IGF2BP3: variants seen among roughly 807,000 people sequenced by gnomAD.
IGF2BP3 encodes the protein insulin-like growth factor 2 mRNA-binding protein 3.
IGF2BP3 carries 9 observed loss-of-function variants against 73.8 expected under a neutral mutation model. That is an observed-to-expected ratio of 0.12 (90% CI 0.07 to 0.21). The LOEUF is 0.21. IGF2BP3 is among the 10% of genes least tolerant of loss of function. IGF2BP3 has a pLI of 1.00. For synonymous variants in IGF2BP3, 258 were observed against 256.7 expected (o/e 1.01, Z -0.05); for missense variants, 542 against 714.0 (o/e 0.76, Z 2.75).
intron 2 of IGF2BP3, among the ~76,000 whole-genome samples, chr7:23,428,112 G>A (rs1039198332): frequency 2.0e-5 from 3 of 152,102 alleles, no homozygotes; most frequent in African/African-American, 4.8e-5. Flanking sequence ...GGAGGTGGAG[G>A]CTGCAGTGAG....
chr7:23,426,185 G>C (rs1297138325), intron 2 of IGF2BP3, among the ~76,000 whole-genome samples: 3 of 151,914 alleles, frequency 2.0e-5, no homozygotes, highest in Non-Finnish European at 4.4e-5. Context: ...AAATTAGCCA[G>C]GCATGGTGGC....
intron 8 of IGF2BP3, among the ~76,000 whole-genome samples, chr7:23,345,008 C>T (rs1784796523): frequency 6.6e-6 from 1 of 152,166 alleles, no homozygotes; most frequent in African/African-American, 2.4e-5. Context: ...AGTAGTATTA[C>T]TTATTGAATT....
intron 3 of IGF2BP3, among the ~76,000 whole-genome samples, chr7:23,385,841 G>A (rs369700604): frequency 1.6e-4 from 24 of 152,072 alleles, no homozygotes; most frequent in African/African-American, 5.5e-4. Context: ...CAAAGTGCTG[G>A]GATTACAGGC....
chr7:23,355,115 T>G (rs572683445), intron 5 of IGF2BP3, among the ~76,000 whole-genome samples: 2 of 152,330 alleles, frequency 1.3e-5, no homozygotes, highest in South Asian at 4.1e-4. Flanking sequence ...AGACATGAGA[T>G]GAACGACTGT....
intron 10 of IGF2BP3, among the ~76,000 whole-genome samples, chr7:23,334,258 G>A (rs908475669): frequency 6.6e-6 from 1 of 152,136 alleles, no homozygotes; most frequent in Non-Finnish European, 1.5e-5. Context: ...AATCTGGGAG[G>A]TGGAGGTTAC....
In IGF2BP3 at chr7:23,342,098, G is replaced by T; in HGVS notation, c.1169C>A (p.Pro390His). Residue 390 changes from proline (P) to histidine (H), a missense_variant, in exon 10 of 15, where the codon CCT (proline) becomes CAT (histidine). Pro to His is a moderately conservative substitution (Grantham distance 77, BLOSUM62 -2). This residue lies in a region of IGF2BP3 where 303 missense variants were observed against 472.1 expected (regional missense o/e 0.64). Transcript: ENST00000258729. ...CGGGTAGGGAGGAGTCATGGCTGAA[G>T]GGGGCCCTGAGGTGGGAGGTGGCAT... ...SGMPPPTSGP[P>H]SAMTPPYPQF... The T allele has an allele frequency of 6.2e-7, 1 of 1,602,220 alleles. No individual in the cohort carries two copies. The highest frequency in any genetic ancestry group is 8.5e-7 in the Non-Finnish European group (1 of 1,176,442).
chr7:23,319,016 C>T (rs1454108825), intron 11 of IGF2BP3, 122 bp downstream of exon 11: 1 of 686,390 alleles, frequency 1.5e-6, no homozygotes, highest in African/African-American at 1.8e-5. Flanking sequence ...GGGGTTTCTT[C>T]ATATCCTTAT....
chr7:23,417,872 T>C (rs939832165), intron 3 of IGF2BP3, among the ~76,000 whole-genome samples: 1 of 152,210 alleles, frequency 6.6e-6, no homozygotes, highest in African/African-American at 2.4e-5. Context: ...ATTCAGCATA[T>C]ACCAAAAACC....
At chr7:23,354,030 G>A (rs570759242) in intron 5 of IGF2BP3, among the ~76,000 whole-genome samples, 1 of 152,182 alleles carries the variant, frequency 6.6e-6, no homozygotes, top group African/African-American at 2.4e-5. Context: ...TTTCGTTCTT[G>A]TTGCCCAGGC....
chr7:23,459,844 G>A (rs1460605940), intron 2 of IGF2BP3, among the ~76,000 whole-genome samples: 1 of 151,464 alleles, frequency 6.6e-6, no homozygotes, highest in Admixed American at 6.6e-5. Flanking sequence ...AAAAGAAGAA[G>A]AACTGGACTT....
intron 2 of IGF2BP3, among the ~76,000 whole-genome samples, chr7:23,453,376 C>G (rs1282683893): frequency 6.6e-6 from 1 of 151,992 alleles, no homozygotes; most frequent in Non-Finnish European, 1.5e-5. Context: ...CTTTTTTGCT[C>G]GAAAAGTAGA....
intron 8 of IGF2BP3, 108 bp from the exon 9 acceptor site, chr7:23,343,961 T>C: frequency 1.9e-6 from 2 of 1,062,444 alleles, no homozygotes; most frequent in Non-Finnish European, 2.7e-6. Flanking sequence ...CCTGGTAATA[T>C]GTAAAAGTGG....
intron 3 of IGF2BP3, among the ~76,000 whole-genome samples, chr7:23,386,489 G>T (rs1010281681): frequency 6.6e-6 from 1 of 152,162 alleles, no homozygotes; most frequent in African/African-American, 2.4e-5. Flanking sequence ...GGACACAGGA[G>T]CCCCCAACAG....
At chr7:23,316,654 G>A (rs1470536837) in intron 12 of IGF2BP3, among the ~76,000 whole-genome samples, 9 of 129,102 alleles carry the variant, frequency 7.0e-5, no homozygotes, top group South Asian at 5.0e-4. Context: ...CAGCCTGGGC[G>A]ACAGAGTGAG....
At chr7:23,419,973 A>T (rs117694928) in intron 2 of IGF2BP3, among the ~76,000 whole-genome samples, 45 of 152,344 alleles carry the variant, frequency 3.0e-4, no homozygotes, top group Non-Finnish European at 5.4e-4. Flanking sequence ...ATGCCTCCCT[A>T]CACATGTATA....
rs562587619 is a variant in IGF2BP3 at position 23,375,297 on chromosome 7, G to A, written c.286-13556C>T. On this transcript the variant is annotated intron_variant, in intron 3 of 14. Coordinates refer to ENST00000258729, the MANE Select transcript of IGF2BP3 (RefSeq NM_006547.3). The stretch of plus-strand genomic sequence containing the variant: ...CCGTGTTGGTAAATGCAAACCTTTG[G>A]AACTGCCACATGGAATTCAATAGGT... 2.2e-3 allele frequency among the ~76,000 whole-genome samples: 335 copies of A among 152,158 alleles called. 1 individual carries two copies. Among genetic ancestry groups the A allele is most frequent in the African/African-American group, 7.8e-3 (323 of 41,478 alleles).
At chr7:23,338,533 C>A (rs1351339130) in intron 10 of IGF2BP3, among the ~76,000 whole-genome samples, 1 of 152,174 alleles carries the variant, frequency 6.6e-6, no homozygotes, top group African/African-American at 2.4e-5. Context: ...GCATAAAACT[C>A]CTGATGACCT....
At chr7:23,361,141 TG>T (rs1040653490) in intron 5 of IGF2BP3, among the ~76,000 whole-genome samples, 17 of 152,354 alleles carry the variant, frequency 1.1e-4, no homozygotes, top group African/African-American at 4.1e-4. Context: ...CATTTAACAC[TG>T]TTGTTTAACA....
intron 2 of IGF2BP3, among the ~76,000 whole-genome samples, chr7:23,457,553 G>A (rs1201503418): frequency 2.0e-5 from 3 of 152,160 alleles, no homozygotes; most frequent in Non-Finnish European, 4.4e-5. Context: ...TGAAAAGGAT[G>A]GCTAAATTAT....
Sources: gnomAD v4.1 joint callset for allele counts (sites outside exome capture counted in the v4.1 genomes callset) on GRCh38, gnomAD v4.1.1 for gene constraint, gnomAD v4.1.1 regional missense constraint, MANE v1.5 for transcripts, NCBI Gene and HGNC (gene_info 2026-07-23, HGNC 2026-07-21) for gene names.